Variants in FBXO15 observed in about 807,000 individuals in gnomAD.
FBXO15 encodes F-box protein 15.
A neutral mutation model predicts 49.5 loss-of-function variants in FBXO15; 30 were observed. That is an observed-to-expected ratio of 0.61 (90% CI 0.45 to 0.82). The LOEUF (loss-of-function observed/expected upper bound fraction) is 0.82. Among genes scored for constraint, FBXO15 ranks in the 40% least tolerant of loss-of-function variants. FBXO15 has a pLI of 0.00. For synonymous variants in FBXO15, 250 were observed against 232.7 expected (o/e 1.07, Z -0.68); for missense variants, 591 against 631.5 (o/e 0.94, Z 0.69).
intron 8 of FBXO15, chr18:74,122,455 A>G (rs992890693): frequency 9.8e-5 from 15 of 152,378 alleles, no homozygotes; most frequent in Non-Finnish European, 1.6e-4. Context: ...AAAGTTCTTT[A>G]CAAAATCTCA....
chr18:74,083,337 C>T (rs1163391499), intron 8 of FBXO15, among the ~76,000 whole-genome samples: 2 of 152,238 alleles, frequency 1.3e-5, no homozygotes, highest in Non-Finnish European at 2.9e-5. Context: ...ACCTCGTCAC[C>T]TCAGCAGGGC....
rs200608267 is a variant in FBXO15, at chr18:74,129,659, A to AC, written c.576-46_576-45insG. The AC allele has an allele frequency of 3.9e-3, 5,942 of 1,520,770 alleles. 212 individuals carry two copies. The African/African-American group carries it at 0.071, about 18-fold the overall frequency. The allele number at this position is 1,520,770 out of a possible 1,614,324, so 94.2% of individuals were successfully genotyped here. ...CTAACAATGTTTGCCTCATTGAAAA[A>AC]AAAAAAATGCTAAAGGCAATTTCAT... is the stretch of plus-strand genomic sequence containing the variant. On this transcript the variant is annotated intron_variant, in intron 4 of 9. Transcript: ENST00000419743.
chr18:74,129,346 C>A (rs1163272068), intron 5 of FBXO15, 59 bp downstream of exon 5: 6 of 1,418,312 alleles, frequency 4.2e-6, no homozygotes, highest in East Asian at 2.3e-5. Flanking sequence ...AAAAGTAATG[C>A]CAACTAATAT....
Position 74,140,235 on chromosome 18 carries a change from C to T in FBXO15, c.194G>A (p.Ser65Asn), listed in dbSNP as rs1978981556. ...CHAGGGQHWE[S>N]SFSCCSGFLD... ...GAACCCAGAACAGCAGGAGAAAGAGCTCTCCCAGTGCTGTCCACCTCCGGC... is the reference window on the plus strand; with the variant it reads ...GAACCCAGAACAGCAGGAGAAAGAGTTCTCCCAGTGCTGTCCACCTCCGGC... The change falls in exon 2 of 10, where the codon AGC (serine) becomes AAC (asparagine). Residue 65 changes from serine (S) to asparagine (N), a missense_variant. Ser to Asn is a conservative substitution (Grantham distance 46). Coordinates refer to ENST00000419743, the MANE Select transcript of FBXO15 (RefSeq NM_001142958.2). 4 of 1,551,320 alleles carry T rather than the reference C, an allele frequency of 2.6e-6. No homozygotes were observed. Among genetic ancestry groups the T allele is most frequent in the Admixed American group, 2.0e-5 (1 of 50,970 alleles).
chr18:74,132,776 G>A (rs4361019), intron 3 of FBXO15, among the ~76,000 whole-genome samples: 14,149 of 152,138 alleles, frequency 0.093, 1,260 homozygotes, highest in African/African-American at 0.23. Flanking sequence ...TTAGAAAATG[G>A]GGCCAATTTA....
chr18:74,130,361 C>T lies in FBXO15; in HGVS notation c.575+55G>A, dbSNP rs1050143395. 40 of 1,602,020 alleles carry T rather than the reference C, an allele frequency of 2.5e-5. No homozygotes were observed. In the Admixed American group the frequency reaches 4.8e-4, roughly 19 times the overall value. The stretch of plus-strand genomic sequence containing the variant: ...CAATCTAAACTGCACATACGTCCTA[C>T]GTACACGATACTTTGAGCTGATGCC... On this transcript the variant is annotated intron_variant, in intron 4 of 9. Transcript: ENST00000419743.
chr18:74,111,261 CAAAAAAAAAAA>C (rs60236226), intron 8 of FBXO15, among the ~76,000 whole-genome samples: 3 of 84,362 alleles, frequency 3.6e-5, no homozygotes, highest in East Asian at 6.5e-4. Context: ...GTCTCTGTCT[CAAAAAAAAAAA>C]AAAAAAGAAA....
intron 6 of FBXO15, among the ~76,000 whole-genome samples, chr18:74,124,864 G>A (rs1403555105): frequency 1.3e-5 from 2 of 152,218 alleles, no homozygotes; most frequent in African/African-American, 4.8e-5. Flanking sequence ...TATGATAGTT[G>A]TGAAACTATG....
At chr18:74,091,524 C>T (rs143425803) in intron 8 of FBXO15, among the ~76,000 whole-genome samples, 2 of 152,162 alleles carry the variant, frequency 1.3e-5, no homozygotes, top group African/African-American at 4.8e-5. Context: ...TTGTAGTGGT[C>T]AGTAATAGTC....
intron 5 of FBXO15, among the ~76,000 whole-genome samples, chr18:74,128,648 G>A (rs1273753839): frequency 1.3e-5 from 2 of 152,190 alleles, no homozygotes; most frequent in Admixed American, 1.3e-4. Context: ...CCAGAGATGA[G>A]GATGCTATGC....
intron 8 of FBXO15, among the ~76,000 whole-genome samples, chr18:74,107,043 T>C (rs750628629): frequency 1.3e-5 from 2 of 152,100 alleles, no homozygotes; most frequent in Admixed American, 6.5e-5. Context: ...ATATAAACAA[T>C]AGTTTTCCTG....
chr18:74,110,821 T>C (rs536663338), intron 8 of FBXO15, among the ~76,000 whole-genome samples: 42 of 152,290 alleles, frequency 2.8e-4, no homozygotes, highest in African/African-American at 1.0e-3. Flanking sequence ...AAAGGGGCCA[T>C]CACATACTGA....
At chr18:74,082,765 C>T (rs1912561396) in intron 8 of FBXO15, among the ~76,000 whole-genome samples, 1 of 152,166 alleles carries the variant, frequency 6.6e-6, no homozygotes, top group Admixed American at 6.5e-5. Context: ...TGAGAAGCGA[C>T]CATCAGTTGC....
At chr18:74,094,272 C>A (rs556525735) in intron 8 of FBXO15, among the ~76,000 whole-genome samples, 3 of 152,272 alleles carry the variant, frequency 2.0e-5, no homozygotes, top group African/African-American at 7.2e-5. Context: ...GCTTTAGTGC[C>A]ACCCTCTTGG....
chr18:74,093,308 T>C lies in FBXO15; in HGVS notation c.1139-11257A>G, dbSNP rs191299016. Among the ~76,000 whole-genome samples, 23 of 150,104 alleles carry C rather than the reference T, an allele frequency of 1.5e-4. No homozygotes were observed. The East Asian group carries it at 4.0e-3, about 26-fold the overall frequency. The stretch of plus-strand genomic sequence containing the variant: ...ACAAGTACATGCTAGCAAAGTGGCA[T>C]AGGGTAGTCTGCAATGAGGAATGAA... On this transcript the variant is annotated intron_variant, in intron 8 of 9. Transcript: ENST00000419743.
At chr18:74,104,152 T>C (rs1304140576) in intron 8 of FBXO15, among the ~76,000 whole-genome samples, 1 of 152,156 alleles carries the variant, frequency 6.6e-6, no homozygotes, top group Non-Finnish European at 1.5e-5. Context: ...TTAAAGTATG[T>C]AATTTTTTTC....
chr18:74,094,210 A>T (rs1348679795), intron 8 of FBXO15, among the ~76,000 whole-genome samples: 1 of 152,184 alleles, frequency 6.6e-6, no homozygotes, highest in East Asian at 1.9e-4. Flanking sequence ...CCAGTGTTGG[A>T]GGTAGGGCCT....
intron 5 of FBXO15, 130 bp from the exon 6 acceptor site, chr18:74,126,231 T>C (rs2145194804): frequency 4.8e-6 from 6 of 1,258,136 alleles, no homozygotes; most frequent in Non-Finnish European, 6.6e-6. Flanking sequence ...CTAAGTGGCA[T>C]GTTGGCAGGG....
intron 9 of FBXO15, among the ~76,000 whole-genome samples, chr18:74,077,294 G>A (rs566408687): frequency 3.9e-5 from 6 of 152,182 alleles, no homozygotes; most frequent in Admixed American, 6.5e-5. Context: ...TAAACACTAA[G>A]GTAGGACAGC....
Sources: gnomAD v4.1 joint callset for allele counts (sites outside exome capture counted in the v4.1 genomes callset) on GRCh38, gnomAD v4.1.1 for gene constraint, MANE v1.5 for transcripts, NCBI Gene and HGNC (gene_info 2026-07-23, HGNC 2026-07-21) for gene names.